NEDD1: variants seen among roughly 807,000 people sequenced by gnomAD.
NEDD1 encodes the protein NEDD1 gamma-tubulin ring complex targeting factor.
A neutral mutation model predicts 74.0 loss-of-function variants in NEDD1; 33 were observed. The ratio of observed to expected loss-of-function variants is 0.45; its 90% CI spans 0.34 to 0.60. The LOEUF is 0.60. Ranked by LOEUF, NEDD1 falls within the 20% of genes least tolerant of loss-of-function variation. NEDD1 has a pLI of 0.01. For synonymous variants in NEDD1, 250 were observed against 264.4 expected (o/e 0.95, Z 0.53); for missense variants, 746 against 776.5 (o/e 0.96, Z 0.47).
At chr12:96,912,547 G>C in intron 3 of NEDD1, 176 bp from the exon 4 acceptor site, 1 of 436,378 alleles carries the variant, frequency 2.3e-6, no homozygotes. Flanking sequence ...TAGTAGCAAA[G>C]AGAATTAGTC....
rs749180864 is a variant in NEDD1, at chr12:96,945,795, C to G, written c.1757C>G (p.Ser586Cys). The stretch of plus-strand genomic sequence containing the variant: ...AACCGGCAAAATGCACCATTGACTT[C>G]CATTCAAATTCGTTTTATTCAGAAC... ...GNNRQNAPLT[S>C]IQIRFIQNMI... The change falls in exon 14 of 16, where the codon TCC becomes TGC. Residue 586 changes from serine to cysteine, a missense_variant. Ser to Cys is a moderately radical substitution (Grantham distance 112, BLOSUM62 -1). Transcript: ENST00000266742. 2 of 1,612,106 alleles carry G rather than the reference C, an allele frequency of 1.2e-6. No individual in the cohort carries two copies. Among genetic ancestry groups the G allele is most frequent in the African/African-American group, 1.3e-5 (1 of 74,854 alleles).
Position 96,908,013 on chromosome 12 carries a change from C to T in NEDD1, c.-9+157C>T, listed in dbSNP as rs545547477. ...GTGATCTACCCACTACACCCCGCAG[C>T]TCACCAGGCCTGGTTACGATGCAGT... On this transcript the variant is annotated intron_variant, in intron 2 of 15. Transcript: ENST00000266742. Among the ~76,000 whole-genome samples the T allele has an allele frequency of 9.8e-5, 15 of 152,314 alleles. No homozygotes were observed. The South Asian group carries it at 2.1e-3, about 21-fold the overall frequency.
Position 96,940,544 on chromosome 12 carries a change from C to G in NEDD1, c.1246+7C>G. ...TTCTCACCTATCAGAGATGGTAAGT[C>G]TGTTCAGAGGATCCTGTTCTCTTGC... On this transcript the variant is annotated splice_region_variant and intron_variant, in intron 10 of 15. Coordinates refer to ENST00000266742, the MANE Select transcript of NEDD1 (RefSeq NM_152905.4). The G allele has an allele frequency of 6.3e-7, 1 of 1,592,166 alleles. No homozygotes were observed. The highest frequency in any genetic ancestry group is 1.7e-5 in the Admixed American group (1 of 58,830).
chr12:96,914,005 A>C (rs1402350319), intron 4 of NEDD1, among the ~76,000 whole-genome samples: 1 of 152,194 alleles, frequency 6.6e-6, no homozygotes, highest in Non-Finnish European at 1.5e-5. Context: ...GATTGACCTG[A>C]ACTTCAGTTC....
intron 1 of NEDD1, 81 bp downstream of exon 1, chr12:96,907,381 TC>T: frequency 2.2e-6 from 1 of 457,010 alleles, no homozygotes. Context: ...ACCCGCTCCG[TC>T]CCCCTCAGAG....
chr12:96,948,483 T>C (rs1337186923), intron 14 of NEDD1, among the ~76,000 whole-genome samples: 1 of 152,176 alleles, frequency 6.6e-6, no homozygotes, highest in African/African-American at 2.4e-5. Flanking sequence ...CTCCTCATTT[T>C]CTGGATTTTA....
At position 96,917,682 on chromosome 12, in the gene NEDD1, A is replaced by G; in HGVS notation, c.293A>G (p.Asn98Ser). ...TSMYLVSGGL[N>S]NTVNIWDLKS... The stretch of plus-strand genomic sequence containing the variant: ...ATGTATTTGGTAAGCGGAGGCCTAA[A>G]TAACACTGTTAATATTTGGGATTTA... Residue 98 changes from asparagine (N) to serine (S), a missense_variant, in exon 5 of 16, where the codon AAT becomes AGT. Asn to Ser is a conservative substitution (Grantham distance 46, BLOSUM62 1). Coordinates refer to ENST00000266742, the MANE Select transcript of NEDD1 (RefSeq NM_152905.4). The G allele has an allele frequency of 6.4e-7, 1 of 1,567,028 alleles. No homozygotes were observed. The highest frequency in any genetic ancestry group is 2.3e-5 in the East Asian group (1 of 42,690).
rs976487846 is a variant in NEDD1, at chr12:96,952,787, C to G, written c.*734C>G. The G allele has an allele frequency of 9.2e-5, 14 of 151,616 alleles. No individual in the cohort carries two copies. Among genetic ancestry groups the G allele is most frequent in the African/African-American group, 3.4e-4 (14 of 41,378 alleles). The allele number at this position is 151,616 out of a possible 1,614,324, so 9.4% of individuals were successfully genotyped here. A position where few individuals can be genotyped will look rare whatever the true frequency, so the allele number is the denominator to read the frequency against. ...TGGTGATTTTCTCATTAGTAACATG[C>G]AACGTTGTACTGCAAAATTTCAATC... On this transcript the variant is annotated 3_prime_UTR_variant, in exon 16 of 16. Coordinates refer to ENST00000266742, the MANE Select transcript of NEDD1 (RefSeq NM_152905.4).
intron 9 of NEDD1, among the ~76,000 whole-genome samples, chr12:96,938,283 A>G (rs1255293681): frequency 6.6e-6 from 1 of 152,082 alleles, no homozygotes; most frequent in Non-Finnish European, 1.5e-5. Context: ...ATTATATATT[A>G]GGAAAATAAT....
rs1198247751 is a variant in NEDD1, at chr12:96,936,601, C to G, written c.720-10C>G. 2 of 1,602,726 alleles carry G rather than the reference C, an allele frequency of 1.2e-6. No homozygotes were observed. The highest frequency in any genetic ancestry group is 1.7e-6 in the Non-Finnish European group (2 of 1,169,796). On this transcript the variant is annotated splice_polypyrimidine_tract_variant and intron_variant, in intron 7 of 15. Transcript: ENST00000266742. ...ACATTTCTACACATACTTTGTTCTC[C>G]TTTCCAAAGGCTAGTGAAAACTTTA...
Position 96,942,579 on chromosome 12 carries a change from G to A in NEDD1, c.1249G>A (p.Ala417Thr). Residue 417 changes from alanine (A) to threonine (T), a missense_variant and splice_region_variant, in exon 11 of 16, where the codon GCT (alanine) becomes ACT (threonine). Ala to Thr is a moderately conservative substitution (Grantham distance 58). This residue lies in a region of NEDD1 where 706 missense variants were observed against 706.7 expected (regional missense o/e 1.00). Transcript: ENST00000266742. ...GDMFSPIRDD[A>T]VVNKGSDESI... ...TTTGATTTTCTAATTTGTTATAGAT[G>A]CTGTAGTTAACAAGGGAAGTGATGA... 6.8e-7 allele frequency: 1 copy of A among 1,462,144 alleles called. No individual in the cohort carries two copies. The highest frequency in any genetic ancestry group is 9.6e-7 in the Non-Finnish European group (1 of 1,044,236). The allele number at this position is 1,462,144 out of a possible 1,614,324, so 90.6% of individuals were successfully genotyped here.
At position 96,944,810 on chromosome 12, in the gene NEDD1, C is replaced by T. The variant is rs2136615832; in HGVS notation, c.1654+15C>T. On this transcript the variant is annotated intron_variant, in intron 13 of 15. Transcript: ENST00000266742. ...CTCAACTCCAAGTAAGTACATGAAA[C>T]TTCCTGATGTTTGAAAGTGTTTGAT... is the stretch of plus-strand genomic sequence containing the variant. 6.6e-7 allele frequency: 1 copy of T among 1,510,574 alleles called. No individual in the cohort carries two copies. The highest frequency in any genetic ancestry group is 8.8e-7 in the Non-Finnish European group (1 of 1,131,030). 93.6% of individuals were successfully genotyped at this position (1,510,574 alleles called of 1,614,324 possible).
At chr12:96,944,515 C>T in intron 12 of NEDD1, 124 bp from the exon 13 acceptor site, 5 of 500,962 alleles carry the variant, frequency 1.0e-5, no homozygotes, top group Non-Finnish European at 1.0e-5. Context: ...TATATCTCTT[C>T]CTATTTTCCT....
chr12:96,945,151 C>T (rs991917452), intron 13 of NEDD1, among the ~76,000 whole-genome samples: 3 of 152,028 alleles, frequency 2.0e-5, no homozygotes, highest in Admixed American at 6.6e-5. Context: ...GTTTGTGCTG[C>T]AGACCCATAC....
chr12:96,922,691 C>T (rs1297365275), intron 6 of NEDD1, among the ~76,000 whole-genome samples: 1 of 152,048 alleles, frequency 6.6e-6, no homozygotes, highest in Non-Finnish European at 1.5e-5. Flanking sequence ...CTTAAGTGTA[C>T]AGCTTGTTGA....
At chr12:96,917,795 A>G in intron 5 of NEDD1, 58 bp downstream of exon 5, 2 of 1,479,750 alleles carry the variant, frequency 1.4e-6, no homozygotes, top group Non-Finnish European at 1.8e-6. Flanking sequence ...CATTTAGAGT[A>G]CTTACCAAGC....
At chr12:96,951,652 A>G (rs1565817984) in intron 15 of NEDD1, among the ~76,000 whole-genome samples, 154 bp downstream of exon 15, 1 of 151,744 alleles carries the variant, frequency 6.6e-6, no homozygotes, top group Non-Finnish European at 1.5e-5. Flanking sequence ...ATAGATTTTA[A>G]CTGGTCACCT....
At chr12:96,944,331 G>A (rs985106167) in intron 12 of NEDD1, among the ~76,000 whole-genome samples, 1 of 151,940 alleles carries the variant, frequency 6.6e-6, no homozygotes, top group African/African-American at 2.4e-5. Flanking sequence ...TTATTGACTG[G>A]TTACCACATG....
chr12:96,914,270 A>G (rs1330552689), intron 4 of NEDD1, among the ~76,000 whole-genome samples: 2 of 152,172 alleles, frequency 1.3e-5, no homozygotes, highest in Non-Finnish European at 2.9e-5. Flanking sequence ...CACTATATAT[A>G]TGTACTACTG....
Sources: gnomAD v4.1 joint callset for allele counts (sites outside exome capture counted in the v4.1 genomes callset) on GRCh38, gnomAD v4.1.1 for gene constraint, gnomAD v4.1.1 regional missense constraint, MANE v1.5 for transcripts, NCBI Gene and HGNC (gene_info 2026-07-23, HGNC 2026-07-21) for gene names.